TMEM178B: variants seen among roughly 807,000 people sequenced by gnomAD.
TMEM178B encodes the protein transmembrane protein 178B.
TMEM178B carries 5 observed loss-of-function variants against 31.0 expected under a neutral mutation model. The ratio of observed to expected loss-of-function variants is 0.16; its 90% CI spans 0.08 to 0.34. The LOEUF is 0.34. TMEM178B is among the 10% of genes least tolerant of loss of function. The pLI is 1.00. For missense variants in TMEM178B, 275 were observed against 400.3 expected (o/e 0.69, Z 2.67); for synonymous variants, 164 against 164.0 (o/e 1.00, Z 0.00).
intron 2 of TMEM178B, among the ~76,000 whole-genome samples, chr7:141,315,933 A>G (rs1235982538): frequency 4.6e-5 from 7 of 152,214 alleles, no homozygotes; most frequent in Non-Finnish European, 4.4e-5. Flanking sequence ...TTACTCATCA[A>G]AAAATAGTGC....
At chr7:141,199,366 G>C (rs1244453992) in intron 1 of TMEM178B, among the ~76,000 whole-genome samples, 1 of 152,160 alleles carries the variant, frequency 6.6e-6, no homozygotes, top group Non-Finnish European at 1.5e-5. Context: ...CTTTAGTTAA[G>C]AAAAAGAGTC....
At chr7:141,328,644 A>G (rs966400675) in intron 2 of TMEM178B, among the ~76,000 whole-genome samples, 2 of 152,188 alleles carry the variant, frequency 1.3e-5, no homozygotes, top group African/African-American at 2.4e-5. Flanking sequence ...AACACTTGGC[A>G]TGAAGCTTTC....
intron 1 of TMEM178B, among the ~76,000 whole-genome samples, chr7:141,192,660 T>C (rs562690197): frequency 6.6e-6 from 1 of 152,278 alleles, no homozygotes; most frequent in African/African-American, 2.4e-5. Context: ...GAGATGGGGT[T>C]TCACCATGTT....
At chr7:141,136,096 C>T (rs1795671549) in intron 1 of TMEM178B, among the ~76,000 whole-genome samples, 1 of 152,200 alleles carries the variant, frequency 6.6e-6, no homozygotes, top group Non-Finnish European at 1.5e-5. Context: ...AAGAACAAAG[C>T]TGGAGGCTTC....
rs543877435 is a variant in TMEM178B, at chr7:141,452,532, C to A, written c.634+14787C>A. On this transcript the variant is annotated intron_variant, in intron 3 of 3. Transcript: ENST00000565468. ...ATTTCCTTTGCAATATTGTTTGCAGCTCATTCATTTGTTTCCATTCCCTGA... is the reference window on the plus strand; with the variant it reads ...ATTTCCTTTGCAATATTGTTTGCAGATCATTCATTTGTTTCCATTCCCTGA... 1.1e-4 allele frequency among the ~76,000 whole-genome samples: 17 copies of A among 152,286 alleles called. No individual in the cohort carries two copies. The East Asian group carries it at 3.3e-3, about 29-fold the overall frequency.
chr7:141,144,456 A>G (rs1795820543), intron 1 of TMEM178B, among the ~76,000 whole-genome samples: 1 of 152,174 alleles, frequency 6.6e-6, no homozygotes, highest in Non-Finnish European at 1.5e-5. Flanking sequence ...TAAATGTGCT[A>G]ATTATTTTTT....
intron 2 of TMEM178B, among the ~76,000 whole-genome samples, chr7:141,372,524 T>A (rs1369574772): frequency 1.3e-5 from 2 of 152,170 alleles, no homozygotes; most frequent in Non-Finnish European, 2.9e-5. Flanking sequence ...TATATCTGCT[T>A]ACATTCTAGG....
At chr7:141,288,881 C>G (rs1386964388) in intron 2 of TMEM178B, among the ~76,000 whole-genome samples, 1 of 152,222 alleles carries the variant, frequency 6.6e-6, no homozygotes, top group Non-Finnish European at 1.5e-5. Flanking sequence ...CATTCAACCT[C>G]TCTGTCCTCA....
chr7:141,198,431 T>C (rs1200074284), intron 1 of TMEM178B, among the ~76,000 whole-genome samples: 1 of 152,246 alleles, frequency 6.6e-6, no homozygotes, highest in East Asian at 1.9e-4. Context: ...AACAATCATT[T>C]TACTTTTCTC....
At chr7:141,351,238 G>A (rs1447289833) in intron 2 of TMEM178B, among the ~76,000 whole-genome samples, 2 of 152,256 alleles carry the variant, frequency 1.3e-5, no homozygotes, top group African/African-American at 4.8e-5. Flanking sequence ...TAACAATTAT[G>A]TATTTAGACC....
At chr7:141,355,767 T>C (rs1799808575) in intron 2 of TMEM178B, among the ~76,000 whole-genome samples, 1 of 152,232 alleles carries the variant, frequency 6.6e-6, no homozygotes, top group Non-Finnish European at 1.5e-5. Context: ...GTTACAAGGG[T>C]ATGTGTGATG....
At chr7:141,488,267 AGCCCCCAGAGGTCT>A in the TMEM178B span, among the ~76,000 whole-genome samples, 2 of 152,186 alleles carry the variant, frequency 1.3e-5, no homozygotes, top group Non-Finnish European at 2.9e-5. Context: ...TTTGGTTTCT[AGCCCCCAGAGGTCT>A]GCCTTTTAAT....
intron 1 of TMEM178B, among the ~76,000 whole-genome samples, chr7:141,160,506 G>A (rs1411457177): frequency 1.3e-5 from 2 of 152,112 alleles, no homozygotes; most frequent in Admixed American, 6.5e-5. Context: ...TGCTAGTGTC[G>A]TCATTCTCTA....
At chr7:141,443,242 A>G (rs1379022582) in intron 3 of TMEM178B, among the ~76,000 whole-genome samples, 2 of 152,236 alleles carry the variant, frequency 1.3e-5, no homozygotes, top group African/African-American at 4.8e-5. Context: ...TTACATGATT[A>G]TGATACATTT....
intron 2 of TMEM178B, among the ~76,000 whole-genome samples, chr7:141,309,082 C>T (rs1481318814): frequency 1.3e-5 from 2 of 152,126 alleles, no homozygotes; most frequent in African/African-American, 4.8e-5. Context: ...CTTCAACAAA[C>T]ACATTTTATT....
chr7:141,437,220 C>T (rs763270215), intron 2 of TMEM178B, among the ~76,000 whole-genome samples: 4 of 152,316 alleles, frequency 2.6e-5, no homozygotes, highest in East Asian at 1.9e-4. Flanking sequence ...GTCTGGGTTC[C>T]AGTCTCTGTT....
intron 1 of TMEM178B, among the ~76,000 whole-genome samples, chr7:141,162,737 G>A (rs12673836): frequency 6.6e-6 from 1 of 152,188 alleles, no homozygotes; most frequent in African/African-American, 2.4e-5. Flanking sequence ...GATTTCAAGA[G>A]GTGGTATTGT....
chr7:141,445,672 T>TTA (rs987542180), intron 3 of TMEM178B, among the ~76,000 whole-genome samples: 1 of 152,192 alleles, frequency 6.6e-6, no homozygotes, highest in Non-Finnish European at 1.5e-5. Context: ...AGCTAATGAC[T>TTA]TACTATGAGA....
At position 141,343,664 on chromosome 7, in the gene TMEM178B, C is replaced by G. The variant is rs181668985; in HGVS notation, c.497-93944C>G. Among the ~76,000 whole-genome samples the G allele has an allele frequency of 3.9e-3, 586 of 151,888 alleles. 3 individuals are homozygous for G. The highest frequency in any genetic ancestry group is 5.9e-3 in the Non-Finnish European group (400 of 67,986). ...CCACCGGGTTACACCATTCTCTTGC[C>G]TCAGCCTCCCGAGTAGCTGGGACTA... On this transcript the variant is annotated intron_variant, in intron 2 of 3. Coordinates refer to ENST00000565468, the MANE Select transcript of TMEM178B (RefSeq NM_001195278.2).
Sources: allele counts gnomAD v4.1 joint callset (sites outside exome capture counted in the v4.1 genomes callset), GRCh38; gene constraint gnomAD v4.1.1; transcripts MANE v1.5; gene names NCBI Gene and HGNC (gene_info 2026-07-23, HGNC 2026-07-21).